Variants in SMARCC1 observed in about 807,000 individuals in gnomAD.
The protein encoded by SMARCC1 is SWI/SNF complex subunit SMARCC1.
SMARCC1 carries 43 observed loss-of-function variants against 147.4 expected under a neutral mutation model. The observed-to-expected ratio is 0.29, with a 90% CI of 0.23 to 0.38. The LOEUF is 0.38. Ranked by LOEUF, SMARCC1 falls within the 10% of genes least tolerant of loss-of-function variation. The pLI is 1.00. For missense variants in SMARCC1, 1,119 were observed against 1,381.1 expected (o/e 0.81, Z 3.01); for synonymous variants, 495 against 484.4 (o/e 1.02, Z -0.29).
chr3:47,777,194 TGCCTCA>T lies in SMARCC1; in HGVS notation c.196-4264_196-4259del, dbSNP rs1171926649. Among the ~76,000 whole-genome samples the T allele has an allele frequency of 5.9e-5, 9 of 151,860 alleles. No homozygotes were observed. In the South Asian group the frequency reaches 1.9e-3, roughly 32 times the overall value. On this transcript the variant is annotated intron_variant, in intron 1 of 27. Transcript: ENST00000254480. ...GCCCACCGGGTTCCAGCGATTCTCCTGCCTCAGCCTCCTGGGTAGCTGGGATTACAG... is the reference window on the plus strand; with the variant it reads ...GCCCACCGGGTTCCAGCGATTCTCCTGCCTCCTGGGTAGCTGGGATTACAG...
chr3:47,770,364 T>C (rs2034898774), intron 2 of SMARCC1, among the ~76,000 whole-genome samples: 1 of 152,090 alleles, frequency 6.6e-6, no homozygotes, highest in African/African-American at 2.4e-5. Flanking sequence ...CTCACACCTA[T>C]AATCCCAGCA....
chr3:47,685,730 A>G (rs560326358), intron 14 of SMARCC1, among the ~76,000 whole-genome samples: 3 of 152,092 alleles, frequency 2.0e-5, no homozygotes, highest in Non-Finnish European at 4.4e-5. Flanking sequence ...GGCGGCGGGA[A>G]CCTGTAATCC....
chr3:47,622,690 T>A (rs1031837893), intron 24 of SMARCC1, among the ~76,000 whole-genome samples: 2 of 152,076 alleles, frequency 1.3e-5, no homozygotes, highest in Non-Finnish European at 2.9e-5. Context: ...CTCACTATCC[T>A]TTCCTCCCTA....
chr3:47,671,193 A>AAAC (rs2033495595), intron 18 of SMARCC1, among the ~76,000 whole-genome samples: 1 of 144,434 alleles, frequency 6.9e-6, no homozygotes, highest in African/African-American at 2.7e-5. Flanking sequence ...AAAAAAAAAA[A>AAAC]AAAAACACAC....
In SMARCC1 at chr3:47,729,047, T is replaced by C. The variant is rs767266958; in HGVS notation, c.624A>G (p.Pro208=). 7 of 1,611,288 alleles carry C rather than the reference T, an allele frequency of 4.3e-6. No individual in the cohort carries two copies. The highest frequency in any genetic ancestry group is 1.1e-5 in the South Asian group (1 of 90,762). ...EKSKASHHIY[P]YSSSQDDEEW... ...TACCATCGTCTTGTGAGGAAGAATATGGGTAAATGTGGTGGGAAGCTTTTG... is the reference window on the plus strand; with the variant it reads ...TACCATCGTCTTGTGAGGAAGAATACGGGTAAATGTGGTGGGAAGCTTTTG... Residue 208 remains proline, a synonymous_variant, in exon 6 of 28, where the codon CCA becomes CCG. Coordinates refer to ENST00000254480, the MANE Select transcript of SMARCC1 (RefSeq NM_003074.4).
At chr3:47,681,999 C>T (rs900311220) in intron 14 of SMARCC1, among the ~76,000 whole-genome samples, 1 of 151,892 alleles carries the variant, frequency 6.6e-6, no homozygotes, top group Non-Finnish European at 1.5e-5. Context: ...TATAATCTTA[C>T]ATAGTTATTT....
intron 25 of SMARCC1, chr3:47,610,531 CAA>C (rs1576386753): frequency 1.7e-6 from 1 of 605,250 alleles, no homozygotes; most frequent in East Asian, 2.8e-5. Context: ...TTACCATGGT[CAA>C]AGTCTTCTCC....
chr3:47,735,133 T>C (rs2034426198), intron 5 of SMARCC1, among the ~76,000 whole-genome samples: 1 of 152,120 alleles, frequency 6.6e-6, no homozygotes, highest in African/African-American at 2.4e-5. Context: ...TACTTGAAAG[T>C]AATACTTCAT....
At chr3:47,729,158 G>T in intron 5 of SMARCC1, 64 bp from the exon 6 acceptor site, 1 of 966,642 alleles carries the variant, frequency 1.0e-6, no homozygotes, top group Non-Finnish European at 1.6e-6. Flanking sequence ...TGAGATTCCA[G>T]ATACAAATTC....
intron 14 of SMARCC1, among the ~76,000 whole-genome samples, chr3:47,683,431 G>A (rs1481336851): frequency 3.9e-5 from 6 of 152,122 alleles, no homozygotes; most frequent in African/African-American, 1.4e-4. Flanking sequence ...CATATCAAGT[G>A]GATCACTGAC....
At position 47,773,639 on chromosome 3, in the gene SMARCC1, C is replaced by CT. The variant is rs1025916728; in HGVS notation, c.196-704dup. Among the ~76,000 whole-genome samples the CT allele has an allele frequency of 6.0e-4, 90 of 150,328 alleles. 1 individual carries two copies. In the South Asian group the frequency reaches 7.4e-3, roughly 12 times the overall value. On this transcript the variant is annotated intron_variant, in intron 1 of 27. Coordinates refer to ENST00000254480, the MANE Select transcript of SMARCC1 (RefSeq NM_003074.4). ...CCAATACTCTCAAAAAATTTTTTTTCTTTTTTTTTGAGACAGAGTCTTGTT... is the reference window on the plus strand; with the variant it reads ...CCAATACTCTCAAAAAATTTTTTTTCTTTTTTTTTTGAGACAGAGTCTTGTT...
In SMARCC1 at chr3:47,759,534, T is replaced by C. The variant is rs539322478; in HGVS notation, c.315+13283A>G. Among the ~76,000 whole-genome samples, 4 of 142,106 alleles carry C rather than the reference T, an allele frequency of 2.8e-5. No individual in the cohort carries two copies. The South Asian group carries it at 6.6e-4, about 23-fold the overall frequency. The allele number at this position is 142,106 out of a possible 152,430, so 93.2% of individuals were successfully genotyped here. A position where few individuals can be genotyped will look rare whatever the true frequency, so the allele number is the denominator to read the frequency against. On this transcript the variant is annotated intron_variant, in intron 2 of 27. Coordinates refer to ENST00000254480, the MANE Select transcript of SMARCC1 (RefSeq NM_003074.4). The stretch of plus-strand genomic sequence containing the variant: ...TACTCGGGAGGCTGAGGCAGGAGAA[T>C]AGCTTGAACCCGGGAGGCGGAGATT...
intron 21 of SMARCC1, among the ~76,000 whole-genome samples, chr3:47,648,422 T>C (rs944727228): frequency 6.6e-6 from 1 of 152,206 alleles, no homozygotes; most frequent in African/African-American, 2.4e-5. Context: ...AGTCTTGTTC[T>C]GTCACCCAGG....
intron 2 of SMARCC1, among the ~76,000 whole-genome samples, chr3:47,755,160 A>G (rs2034680548): frequency 1.3e-5 from 2 of 152,238 alleles, no homozygotes; most frequent in South Asian, 4.1e-4. Context: ...GCAGTGAGCC[A>G]AGATCGCACC....
chr3:47,739,727 T>C lies in SMARCC1; in HGVS notation c.402-1617A>G, dbSNP rs7612236. Among the ~76,000 whole-genome samples the C allele has an allele frequency of 3.5e-3, 533 of 152,232 alleles. 4 individuals carry two copies. The highest frequency in any genetic ancestry group is 0.012 in the African/African-American group (499 of 41,548). On this transcript the variant is annotated intron_variant, in intron 3 of 27. Coordinates refer to ENST00000254480, the MANE Select transcript of SMARCC1 (RefSeq NM_003074.4). ...CTTTTAACTCACATGTCATGCTATTTTATTCTGGAGATGTTCCCCACACTT... is the reference window on the plus strand; with the variant it reads ...CTTTTAACTCACATGTCATGCTATTCTATTCTGGAGATGTTCCCCACACTT...
Position 47,585,723 on chromosome 3 carries a change from C to T in SMARCC1, c.*2486G>A, listed in dbSNP as rs2108219600. On this transcript the variant is annotated 3_prime_UTR_variant, in exon 28 of 28. Transcript: ENST00000254480. ...TGCAAATGAACAGTGGGTGAGGTAC[C>T]CTCAAAATGTATGTTCCTTACACAT... 1 of 152,238 alleles carries T rather than the reference C, an allele frequency of 6.6e-6. No individual in the cohort carries two copies. The highest frequency in any genetic ancestry group is 2.1e-4 in the South Asian group (1 of 4,818). 9.4% of individuals were successfully genotyped at this position (152,238 alleles called of 1,614,324 possible).
chr3:47,686,321 T>G, intron 13 of SMARCC1, 151 bp from the exon 14 acceptor site: 1 of 624,036 alleles, frequency 1.6e-6, no homozygotes, highest in Non-Finnish European at 2.7e-6. Context: ...AAAAACAACC[T>G]TTCACAGTAT....
chr3:47,663,801 G>A (rs2033383475), intron 19 of SMARCC1: 1 of 1,582,364 alleles, frequency 6.3e-7, no homozygotes, highest in Admixed American at 1.7e-5. Flanking sequence ...CTCACCTACA[G>A]CCTCTATTCC....
At chr3:47,712,421 TTTTA>T (rs1342419821) in intron 8 of SMARCC1, among the ~76,000 whole-genome samples, 1 of 152,186 alleles carries the variant, frequency 6.6e-6, no homozygotes, top group Admixed American at 6.6e-5. Flanking sequence ...TTCCTTTTTT[TTTTA>T]AAAGAGCTGA....
Sources: gnomAD v4.1 joint callset for allele counts (sites outside exome capture counted in the v4.1 genomes callset) on GRCh38, gnomAD v4.1.1 for gene constraint, MANE v1.5 for transcripts, NCBI Gene and HGNC (gene_info 2026-07-23, HGNC 2026-07-21) for gene names.